The following TRABD2B variants were observed in gnomAD, a reference collection of about 807,000 sequenced individuals.
TRABD2B encodes metalloprotease TIKI2.
Under a neutral mutation model 40.1 loss-of-function variants are expected in TRABD2B, and 14 were observed. That is an observed-to-expected ratio of 0.35 (90% CI 0.23 to 0.55). The LOEUF (loss-of-function observed/expected upper bound fraction) is 0.55, where lower values mean the gene tolerates loss of function less well. TRABD2B is among the 20% of genes least tolerant of loss of function. The probability of loss-of-function intolerance (pLI) is 0.90; values close to 1 mark genes in which losing one functional copy is unlikely to be tolerated. For synonymous variants in TRABD2B, 263 were observed against 277.0 expected, an observed-to-expected ratio of 0.95 and a Z score of 0.50; for missense variants, 541 against 648.6, an observed-to-expected ratio of 0.83 and a Z score of 1.80.
intron 2 of TRABD2B, among the ~76,000 whole-genome samples, chr1:47,930,959 C>T (rs1022096730): frequency 1.1e-4 from 17 of 152,202 alleles, no homozygotes; most frequent in African/African-American, 4.1e-4. Flanking sequence ...CCGTGGCCAC[C>T]TTCAATCTGT....
intron 2 of TRABD2B, among the ~76,000 whole-genome samples, chr1:47,812,555 T>TG (rs1210617278): frequency 2.2e-4 from 2 of 9,182 alleles, no homozygotes; most frequent in Non-Finnish European, 1.2e-3. Flanking sequence ...ACCCCATCTC[T>TG]AAAAACAACA....
chr1:47,798,609 G>A (rs969696198), intron 3 of TRABD2B, among the ~76,000 whole-genome samples: 1 of 152,200 alleles, frequency 6.6e-6, no homozygotes, highest in African/African-American at 2.4e-5. Context: ...GCCTCCAGAT[G>A]TTGCTTCCTC....
rs569587731 is a variant in TRABD2B at position 47,844,402 on chromosome 1, G to A, written c.667-42783C>T. On this transcript the variant is annotated intron_variant, in intron 2 of 6. Coordinates refer to ENST00000606738, the MANE Select transcript of TRABD2B (RefSeq NM_001194986.2). ...TGGCTGGCAGCCCAGCTTGGAGGCGGGAGAAGTTCATCTTTTCTGTGTCCT... is the reference window on the plus strand; with the variant it reads ...TGGCTGGCAGCCCAGCTTGGAGGCGAGAGAAGTTCATCTTTTCTGTGTCCT... 2.0e-4 allele frequency among the ~76,000 whole-genome samples: 31 copies of A among 152,298 alleles called. 1 individual carries two copies. The South Asian group carries it at 6.4e-3, about 32-fold the overall frequency.
chr1:47,841,108 A>G (rs1313839938), intron 2 of TRABD2B, among the ~76,000 whole-genome samples: 1 of 152,168 alleles, frequency 6.6e-6, no homozygotes, highest in Non-Finnish European at 1.5e-5. Flanking sequence ...TAAATGACTG[A>G]CGAGGGGAGG....
chr1:47,767,339 C>T (rs1644318405), intron 6 of TRABD2B, among the ~76,000 whole-genome samples: 1 of 152,182 alleles, frequency 6.6e-6, no homozygotes, highest in South Asian at 2.1e-4. Context: ...GAAGGGAAGG[C>T]CATGAGGGCC....
At chr1:47,908,752 C>G (rs982214444) in intron 2 of TRABD2B, among the ~76,000 whole-genome samples, 2 of 152,252 alleles carry the variant, frequency 1.3e-5, no homozygotes, top group African/African-American at 4.8e-5. Context: ...ATCTGGGAGG[C>G]AGCAGGCCAT....
intron 5 of TRABD2B, among the ~76,000 whole-genome samples, chr1:47,778,007 C>G (rs1296044006): frequency 1.3e-5 from 2 of 152,180 alleles, no homozygotes; most frequent in Non-Finnish European, 2.9e-5. Context: ...CCAGAGACAG[C>G]AACGGAGAAG....
At chr1:47,803,863 C>T (rs1451915262) in intron 2 of TRABD2B, among the ~76,000 whole-genome samples, 1 of 152,294 alleles carries the variant, frequency 6.6e-6, no homozygotes, top group Admixed American at 6.5e-5. Context: ...TCATTGAGTC[C>T]TTAAATCTAG....
At chr1:47,868,820 CAT>C (rs1353451741) in intron 2 of TRABD2B, among the ~76,000 whole-genome samples, 5 of 152,278 alleles carry the variant, frequency 3.3e-5, no homozygotes, top group South Asian at 2.1e-4. Context: ...TGCCTAGAAA[CAT>C]AAAGGAATTT....
chr1:47,829,190 T>A (rs970840180), intron 2 of TRABD2B, among the ~76,000 whole-genome samples: 3 of 152,114 alleles, frequency 2.0e-5, no homozygotes, highest in African/African-American at 7.2e-5. Context: ...AGGCTAATTT[T>A]AAATATCCCA....
chr1:47,904,822 A>C (rs141629635), intron 2 of TRABD2B, among the ~76,000 whole-genome samples: 9 of 152,326 alleles, frequency 5.9e-5, no homozygotes, highest in African/African-American at 1.9e-4. Context: ...CCCTCCATAT[A>C]TTACATTCTC....
intron 2 of TRABD2B, among the ~76,000 whole-genome samples, chr1:47,971,742 T>C (rs1464327465): frequency 6.6e-6 from 1 of 152,208 alleles, no homozygotes; most frequent in African/African-American, 2.4e-5. Flanking sequence ...ACAATGAGGT[T>C]TCCACCAAAG....
intron 4 of TRABD2B, among the ~76,000 whole-genome samples, chr1:47,792,505 G>C (rs144986575): frequency 6.6e-5 from 10 of 152,216 alleles, no homozygotes; most frequent in Non-Finnish European, 1.3e-4. Flanking sequence ...GGTCTTTCTG[G>C]TGGCCTGTCA....
chr1:47,847,616 C>T (rs973414493), intron 2 of TRABD2B, among the ~76,000 whole-genome samples: 5 of 152,204 alleles, frequency 3.3e-5, no homozygotes, highest in African/African-American at 1.2e-4. Context: ...TATTCCCTCA[C>T]ATCTGCTCCA....
intron 2 of TRABD2B, among the ~76,000 whole-genome samples, chr1:47,821,829 C>G (rs1035138103): frequency 2.0e-5 from 3 of 152,114 alleles, no homozygotes; most frequent in Non-Finnish European, 4.4e-5. Context: ...CTTTGTACAC[C>G]CTTCAGGCTG....
At chr1:47,948,231 C>T (rs1645287074) in intron 2 of TRABD2B, among the ~76,000 whole-genome samples, 1 of 151,954 alleles carries the variant, frequency 6.6e-6, no homozygotes, top group African/African-American at 2.4e-5. Flanking sequence ...TGCTGTTATC[C>T]TGAGGGCATA....
At chr1:47,893,157 A>G (rs1644472588) in intron 2 of TRABD2B, among the ~76,000 whole-genome samples, 2 of 152,188 alleles carry the variant, frequency 1.3e-5, no homozygotes, top group Admixed American at 1.3e-4. Flanking sequence ...TACCAGGAGA[A>G]GTGGATAAAG....
intron 2 of TRABD2B, among the ~76,000 whole-genome samples, chr1:47,917,072 C>T (rs1007753879): frequency 2.6e-5 from 4 of 152,198 alleles, no homozygotes; most frequent in East Asian, 3.9e-4. Context: ...GGGTCAGAGA[C>T]GCATCCAGAC....
intron 2 of TRABD2B, among the ~76,000 whole-genome samples, chr1:47,906,514 C>A (rs1299916551): frequency 6.6e-6 from 1 of 152,232 alleles, no homozygotes; most frequent in African/African-American, 2.4e-5. Context: ...GGTTGCCTTT[C>A]TTCCCCTCTT....
Sources: allele counts gnomAD v4.1 joint callset (sites outside exome capture counted in the v4.1 genomes callset), GRCh38; gene constraint gnomAD v4.1.1; transcripts MANE v1.5; gene names NCBI Gene and HGNC (gene_info 2026-07-23, HGNC 2026-07-21).